ENTREP2: variants seen among roughly 807,000 people sequenced by gnomAD.
The protein encoded by ENTREP2 is endosomal transmembrane epsin interactor 2, also known as protein ENTREP2.
chr15:29,150,767 T>C, the ENTREP2 span, among the ~76,000 whole-genome samples: 1 of 152,138 alleles, frequency 6.6e-6, no homozygotes, highest in Non-Finnish European at 1.5e-5. Context: ...GGATGTTGAC[T>C]GCCACAGGGT....
chr15:29,213,780 T>C, the ENTREP2 span, among the ~76,000 whole-genome samples: 60 of 152,260 alleles, frequency 3.9e-4, no homozygotes, highest in Admixed American at 4.6e-4. Flanking sequence ...GAGAAAATTT[T>C]TGCAATCTAC....
chr15:29,351,067 A>G, the ENTREP2 span, among the ~76,000 whole-genome samples: 1 of 152,224 alleles, frequency 6.6e-6, no homozygotes, highest in Non-Finnish European at 1.5e-5. Context: ...TGTCATTCTG[A>G]GCAATGCAAA....
chr15:29,445,229 C>T, the ENTREP2 span, among the ~76,000 whole-genome samples: 1 of 152,180 alleles, frequency 6.6e-6, no homozygotes, highest in African/African-American at 2.4e-5. Flanking sequence ...TATATATCTG[C>T]TCTTCTTGTT....
the ENTREP2 span, chr15:29,269,393 G>C: frequency 1.2e-6 from 2 of 1,614,038 alleles, no homozygotes; most frequent in Non-Finnish European, 1.7e-6. Context: ...CGCTTGATCG[G>C]AATCTTCTTC....
chr15:29,159,237 G>T, the ENTREP2 span, among the ~76,000 whole-genome samples: 1 of 151,998 alleles, frequency 6.6e-6, no homozygotes, highest in Non-Finnish European at 1.5e-5. Context: ...GACCTCCGCG[G>T]TGAGTGTTAC....
chr15:29,633,842 C>T, the ENTREP2 span, among the ~76,000 whole-genome samples: 1 of 152,072 alleles, frequency 6.6e-6, no homozygotes, highest in Admixed American at 6.5e-5. Context: ...GCCTGTAATC[C>T]CAGCTACTCG....
the ENTREP2 span, among the ~76,000 whole-genome samples, chr15:29,422,295 G>GA: frequency 2.6e-5 from 4 of 151,764 alleles, no homozygotes; most frequent in East Asian, 1.9e-4. Flanking sequence ...AAGAAAAAAA[G>GA]AAAAAAAAGA....
the ENTREP2 span, among the ~76,000 whole-genome samples, chr15:29,499,291 C>T: frequency 2.1e-5 from 3 of 139,768 alleles, no homozygotes; most frequent in Non-Finnish European, 4.6e-5. Context: ...CCTTTCTCTT[C>T]ATCTTTTCTG....
the ENTREP2 span, among the ~76,000 whole-genome samples, chr15:29,502,051 T>A: frequency 6.6e-6 from 1 of 151,954 alleles, no homozygotes; most frequent in Admixed American, 6.6e-5. Flanking sequence ...TATCTAATGT[T>A]AATGGACAGA....
the ENTREP2 span, among the ~76,000 whole-genome samples, chr15:29,157,439 T>G: frequency 6.6e-6 from 1 of 152,230 alleles, no homozygotes; most frequent in Non-Finnish European, 1.5e-5. Flanking sequence ...AAGATACACC[T>G]CAGCATAGTT....
the ENTREP2 span, among the ~76,000 whole-genome samples, chr15:29,153,846 G>A: frequency 8.5e-4 from 129 of 152,172 alleles, 1 homozygote; most frequent in East Asian, 0.02. Context: ...TTGCTCTGTT[G>A]CCCAGGCTGG....
the ENTREP2 span, among the ~76,000 whole-genome samples, chr15:29,153,296 A>T: frequency 6.6e-6 from 1 of 152,156 alleles, no homozygotes; most frequent in Non-Finnish European, 1.5e-5. Flanking sequence ...TCAGGCTGCT[A>T]TTACAAAAAT....
At chr15:29,119,123 G>GACA in the ENTREP2 span, among the ~76,000 whole-genome samples, 2 of 152,054 alleles carry the variant, frequency 1.3e-5, no homozygotes, top group Admixed American at 6.5e-5. Context: ...TAAAAGAGAC[G>GACA]GCCTTTCAAG....
the ENTREP2 span, among the ~76,000 whole-genome samples, chr15:29,187,616 G>A: frequency 8.5e-5 from 13 of 152,268 alleles, no homozygotes; most frequent in South Asian, 2.5e-3. Context: ...AGTAGACTTG[G>A]AGGGCAGAGT....
At chr15:29,610,071 T>A in the ENTREP2 span, 1 of 150,528 alleles carries the variant, frequency 6.6e-6, no homozygotes, top group Non-Finnish European at 1.5e-5. Context: ...CAGACTCTAC[T>A]GGGGCCTGGG....
chr15:29,598,870 G>C, the ENTREP2 span, among the ~76,000 whole-genome samples: 1 of 152,078 alleles, frequency 6.6e-6, no homozygotes, highest in African/African-American at 2.4e-5. Context: ...CTAATTTTTT[G>C]TATTTTTAGT....
chr15:29,424,038 A>G, the ENTREP2 span, among the ~76,000 whole-genome samples: 1 of 152,172 alleles, frequency 6.6e-6, no homozygotes, highest in Non-Finnish European at 1.5e-5. Context: ...GCTCTTAAAG[A>G]TGGTGTGTCT....
At chr15:29,315,749 T>C in the ENTREP2 span, among the ~76,000 whole-genome samples, 1 of 152,134 alleles carries the variant, frequency 6.6e-6, no homozygotes, top group East Asian at 1.9e-4. Flanking sequence ...ATATGAATAC[T>C]ACCAGAAGCA....
At chr15:29,126,317 C>T in the ENTREP2 span, 1,127,128 of 1,509,932 alleles carry the variant, frequency 0.75, 428,550 homozygotes, top group Middle Eastern at 0.82. Context: ...GCGGGACACA[C>T]GCCCGGGACC....
Sources: gnomAD v4.1 joint callset for allele counts (sites outside exome capture counted in the v4.1 genomes callset) on GRCh38, gnomAD v4.1.1 for gene constraint, MANE v1.5 for transcripts, NCBI Gene and HGNC (gene_info 2026-07-23, HGNC 2026-07-21) for gene names.